Variants in CD1B observed in about 807,000 individuals in gnomAD.
The protein encoded by CD1B is T-cell surface glycoprotein CD1b.
Under a neutral mutation model 39.8 loss-of-function variants are expected in CD1B, and 43 were observed. The ratio of observed to expected loss-of-function variants is 1.08; its 90% CI spans 0.85 to 1.39. CD1B has a LOEUF of 1.39. Among genes scored for constraint, CD1B ranks in the 40% most tolerant of loss-of-function variants. CD1B has a pLI of 0.00. For synonymous variants in CD1B, 192 were observed against 152.5 expected (o/e 1.26, Z -1.91); for missense variants, 495 against 403.8 (o/e 1.23, Z -1.94).
At chr1:158,329,154 C>T in intron 4 of CD1B, 140 bp from the exon 5 acceptor site, 1 of 918,268 alleles carries the variant, frequency 1.1e-6, no homozygotes, top group Non-Finnish European at 1.7e-6. Flanking sequence ...TATATCCATC[C>T]TTTGATCCCC....
the CD1B span, among the ~76,000 whole-genome samples, chr1:158,322,478 G>C: frequency 3.0e-5 from 2 of 67,184 alleles, no homozygotes; most frequent in Non-Finnish European, 5.6e-5. Flanking sequence ...TGTTGCCCAG[G>C]CTGAACTCAA....
chr1:158,318,485 T>C, the CD1B span, among the ~76,000 whole-genome samples: 1 of 152,092 alleles, frequency 6.6e-6, no homozygotes, highest in Non-Finnish European at 1.5e-5. Context: ...AGGATTGCAA[T>C]CCCTGCCTTT....
the CD1B span, among the ~76,000 whole-genome samples, chr1:158,310,333 G>C: frequency 6.6e-6 from 1 of 152,238 alleles, no homozygotes; most frequent in East Asian, 1.9e-4. Context: ...ATGGATTAAA[G>C]ACTTAAATGT....
chr1:158,296,406 G>A, the CD1B span, among the ~76,000 whole-genome samples: 65 of 152,210 alleles, frequency 4.3e-4, no homozygotes, highest in Non-Finnish European at 5.6e-4. Flanking sequence ...CATAGTCAAA[G>A]CCTCAAGGGC....
At chr1:158,312,577 T>C in the CD1B span, among the ~76,000 whole-genome samples, 1 of 152,246 alleles carries the variant, frequency 6.6e-6, no homozygotes, top group African/African-American at 2.4e-5. Flanking sequence ...TTACCTCCTT[T>C]GTTACATTTA....
chr1:158,295,757 T>A, the CD1B span, among the ~76,000 whole-genome samples: 1 of 151,912 alleles, frequency 6.6e-6, no homozygotes, highest in African/African-American at 2.4e-5. Flanking sequence ...CCTCAGATGT[T>A]CAACTGAGGC....
At chr1:158,319,841 A>G in the CD1B span, among the ~76,000 whole-genome samples, 3 of 151,900 alleles carry the variant, frequency 2.0e-5, no homozygotes, top group Admixed American at 6.6e-5. Flanking sequence ...TGAGTTTTTG[A>G]TGTGGATGTC....
the CD1B span, among the ~76,000 whole-genome samples, chr1:158,295,995 C>T: frequency 6.6e-6 from 1 of 152,090 alleles, no homozygotes; most frequent in Non-Finnish European, 1.5e-5. Flanking sequence ...CGTGCATGTA[C>T]CCTGCCACAC....
chr1:158,320,367 G>A, the CD1B span, among the ~76,000 whole-genome samples: 535 of 152,240 alleles, frequency 3.5e-3, 6 homozygotes, highest in South Asian at 0.023. Flanking sequence ...ATGGTGTGCC[G>A]TTTTTTAAGT....
At chr1:158,307,865 C>G in the CD1B span, among the ~76,000 whole-genome samples, 1,868 of 152,190 alleles carry the variant, frequency 0.012, 38 homozygotes, top group African/African-American at 0.04. Flanking sequence ...ATGACAAACC[C>G]ACAGGCAATA....
the CD1B span, chr1:158,290,200 A>G: frequency 1.5e-6 from 2 of 1,312,164 alleles, no homozygotes; most frequent in Non-Finnish European, 2.2e-6. Flanking sequence ...AGATGGATCA[A>G]TAGAGATGCC....
At chr1:158,317,151 TG>T in the CD1B span, among the ~76,000 whole-genome samples, 3 of 152,042 alleles carry the variant, frequency 2.0e-5, no homozygotes, top group African/African-American at 7.3e-5. Flanking sequence ...TGCCCGGCTT[TG>T]GTATCAGAAT....
the CD1B span, among the ~76,000 whole-genome samples, chr1:158,299,964 A>AT: frequency 2.6e-5 from 4 of 151,706 alleles, no homozygotes; most frequent in Admixed American, 6.6e-5. Context: ...TCTTTTGAAG[A>AT]TTTTTTTTGT....
Position 158,331,349 on chromosome 1 carries a change from A to T in CD1B, c.61+14T>A. The T allele has an allele frequency of 6.2e-7, 1 of 1,612,280 alleles. No individual in the cohort carries two copies. ...CCCTGCACCAGTGCTGGGAGCTGCCAGAGTGACTCTTACCATGTTCACTGT... is the reference window on the plus strand; with the variant it reads ...CCCTGCACCAGTGCTGGGAGCTGCCTGAGTGACTCTTACCATGTTCACTGT... On this transcript the variant is annotated intron_variant, in intron 1 of 5. Transcript: ENST00000368168.
chr1:158,293,259 T>A, the CD1B span: 2 of 1,614,174 alleles, frequency 1.2e-6, no homozygotes, highest in Non-Finnish European at 8.5e-7. Context: ...GATAGTGCCC[T>A]TGGTGATTCT....
At chr1:158,296,185 C>T in the CD1B span, among the ~76,000 whole-genome samples, 65 of 151,666 alleles carry the variant, frequency 4.3e-4, no homozygotes, top group Middle Eastern at 3.4e-3. Flanking sequence ...CCCCACCCTG[C>T]CCACCATAGG....
At chr1:158,326,198 A>T (rs1259892193), downstream of CD1B, among the ~76,000 whole-genome samples, 1 of 151,946 alleles carries the variant, frequency 6.6e-6, no homozygotes, top group Non-Finnish European at 1.5e-5. Flanking sequence ...GGTCTCAATC[A>T]ACTGACCTCG....
chr1:158,295,112 TAAAA>T, the CD1B span, among the ~76,000 whole-genome samples: 4 of 152,068 alleles, frequency 2.6e-5, no homozygotes, highest in Admixed American at 2.6e-4. Context: ...CAAAAATATA[TAAAA>T]TTAAACTTAT....
chr1:158,331,081 C>A lies in CD1B; in HGVS notation c.62-19G>T. 15 of 1,584,568 alleles carry A rather than the reference C, an allele frequency of 9.5e-6. No homozygotes were observed. The highest frequency in any genetic ancestry group is 1.2e-5 in the Non-Finnish European group (14 of 1,168,892). On this transcript the variant is annotated intron_variant, in intron 1 of 5. Transcript: ENST00000368168. ...TGGAAGGCTGTGAAGAGTGGAAAAG[C>A]AAGATGGTGAAGATAAAGAGAGAAG...
Sources: allele counts gnomAD v4.1 joint callset (sites outside exome capture counted in the v4.1 genomes callset), GRCh38; gene constraint gnomAD v4.1.1; transcripts MANE v1.5; gene names NCBI Gene and HGNC (gene_info 2026-07-23, HGNC 2026-07-21).